PMFBP1: variants seen among roughly 807,000 people sequenced by gnomAD.
PMFBP1 encodes polyamine modulated factor 1 binding protein 1.
A neutral mutation model predicts 137.8 loss-of-function variants in PMFBP1; 131 were observed. The ratio of observed to expected loss-of-function variants is 0.95; its 90% CI spans 0.82 to 1.10. PMFBP1 has a LOEUF of 1.10. PMFBP1 is among the 50% of genes least tolerant of loss of function. The pLI is 0.00. For missense variants in PMFBP1, 1,199 were observed against 1,175.4 expected (o/e 1.02, Z -0.29); for synonymous variants, 490 against 450.4 (o/e 1.09, Z -1.11).
At chr16:72,189,064 T>G in the PMFBP1 span, among the ~76,000 whole-genome samples, 1 of 149,248 alleles carries the variant, frequency 6.7e-6, no homozygotes, top group Non-Finnish European at 1.5e-5. Flanking sequence ...AGTGTTGACT[T>G]TTTTTTTTTT....
intron 5 of PMFBP1, among the ~76,000 whole-genome samples, chr16:72,142,796 C>T (rs1055296974): frequency 1.1e-4 from 17 of 152,110 alleles, no homozygotes; most frequent in African/African-American, 3.9e-4. Context: ...GAAATAGATA[C>T]TTCCTATATA....
At chr16:72,196,881 C>G in the PMFBP1 span, among the ~76,000 whole-genome samples, 1 of 152,168 alleles carries the variant, frequency 6.6e-6, no homozygotes, top group Non-Finnish European at 1.5e-5. Flanking sequence ...TGAAAGATAG[C>G]CCTAATATTG....
At chr16:72,237,581 A>G in the PMFBP1 span, among the ~76,000 whole-genome samples, 1 of 151,976 alleles carries the variant, frequency 6.6e-6, no homozygotes, top group African/African-American at 2.4e-5. Flanking sequence ...TTGGCATTAA[A>G]TCTCTTACAA....
At position 72,130,563 on chromosome 16, in the gene PMFBP1, G is replaced by A. The variant is rs2042534819; in HGVS notation, c.1607C>T (p.Ser536Leu). 20 of 1,614,096 alleles carry A rather than the reference G, an allele frequency of 1.2e-5. No individual in the cohort carries two copies. The East Asian group carries it at 4.0e-4, about 32-fold the overall frequency. Residue 536 changes from serine to leucine, a missense_variant, in exon 11 of 21, where the codon TCG becomes TTG. Physicochemically the swap from Ser to Leu is moderately radical, Grantham distance 145. Coordinates refer to ENST00000237353, the MANE Select transcript of PMFBP1 (RefSeq NM_031293.3). ...RELQMLQKES[S>L]MAEKEQTSNR... ...GGAGGTTTGTTCCTTCTCAGCCATCGAGGACTCCTTCTGCAGCATCTGAAG... is the reference window on the plus strand; with the variant it reads ...GGAGGTTTGTTCCTTCTCAGCCATCAAGGACTCCTTCTGCAGCATCTGAAG...
rs527714736 is a variant in PMFBP1, at chr16:72,120,119, G to A, written c.2769-30C>T. 34 of 1,614,048 alleles carry A rather than the reference G, an allele frequency of 2.1e-5. No homozygotes were observed. In the African/African-American group the frequency reaches 2.9e-4, roughly 14 times the overall value. On this transcript the variant is annotated intron_variant, in intron 19 of 20. Transcript: ENST00000237353. ...GGGAAGGAGAGGAAGGACGGGTTGT[G>A]TTGGGGCTGCTGGCTCTGGTTGGTT...
Position 72,119,923 on chromosome 16 carries a change from A to G in PMFBP1, c.2935T>C (p.Trp979Arg), listed in dbSNP as rs1186645092. The G allele has an allele frequency of 6.2e-7, 1 of 1,614,182 alleles. No homozygotes were observed. The change falls in exon 20 of 21, where the codon TGG (tryptophan) becomes CGG (arginine). Residue 979 changes from tryptophan to arginine, a missense_variant. Transcript: ENST00000237353. ...QREKVCGTLG[W>R]KGLPQDMGQR... ...CCCATATCCTGGGGCAACCCCTTCC[A>G]GCCCAAGGTGCCGCACACTTTCTCC... is the stretch of plus-strand genomic sequence containing the variant.
At chr16:72,197,527 G>C in the PMFBP1 span, among the ~76,000 whole-genome samples, 1 of 152,170 alleles carries the variant, frequency 6.6e-6, no homozygotes, top group Non-Finnish European at 1.5e-5. Flanking sequence ...GAGGAGTACA[G>C]AGAAAGCCAC....
the PMFBP1 span, among the ~76,000 whole-genome samples, chr16:72,234,734 G>A: frequency 6.6e-6 from 1 of 152,242 alleles, no homozygotes; most frequent in East Asian, 1.9e-4. Flanking sequence ...ATGAAGTCAA[G>A]AACCTGAACT....
At chr16:72,165,568 G>A (rs553769162) in intron 2 of PMFBP1, among the ~76,000 whole-genome samples, 16 of 151,932 alleles carry the variant, frequency 1.1e-4, no homozygotes, top group South Asian at 2.1e-4. Context: ...ACAGGCACCC[G>A]CCACCATGCC....
chr16:72,239,209 C>G, the PMFBP1 span, among the ~76,000 whole-genome samples: 4 of 152,130 alleles, frequency 2.6e-5, no homozygotes, highest in African/African-American at 9.7e-5. Context: ...CATGTTTACC[C>G]CACCAGCCAC....
At chr16:72,185,530 C>G in the PMFBP1 span, among the ~76,000 whole-genome samples, 1 of 152,094 alleles carries the variant, frequency 6.6e-6, no homozygotes, top group East Asian at 1.9e-4. Context: ...CTCTACAAAG[C>G]CTTCTCTGAA....
At chr16:72,130,181 A>G (rs2042526650) in intron 12 of PMFBP1, 32 bp downstream of exon 12, 3 of 1,607,138 alleles carry the variant, frequency 1.9e-6, no homozygotes, top group Non-Finnish European at 2.5e-6. Flanking sequence ...CAGAGCAAGC[A>G]CTTGAATGGG....
chr16:72,173,186 G>A (rs2043236944), upstream of PMFBP1, among the ~76,000 whole-genome samples: 1 of 152,190 alleles, frequency 6.6e-6, no homozygotes, highest in South Asian at 2.1e-4. Flanking sequence ...ATGGCCTTTA[G>A]AAGTCTTTCC....
intron 9 of PMFBP1, among the ~76,000 whole-genome samples, chr16:72,133,532 A>T (rs1046802077): frequency 6.6e-6 from 1 of 152,134 alleles, no homozygotes; most frequent in Non-Finnish European, 1.5e-5. Flanking sequence ...TCTGTTGCTC[A>T]GGCTGGAGTG....
Position 72,136,549 on chromosome 16 carries a change from T to G in PMFBP1, c.1102A>C (p.Ile368Leu). 3 of 1,613,912 alleles carry G rather than the reference T, an allele frequency of 1.9e-6. No homozygotes were observed. In the Admixed American group the frequency reaches 5.0e-5, roughly 27 times the overall value. Residue 368 changes from isoleucine (I) to leucine (L), a missense_variant, in exon 9 of 21, where the codon ATT (isoleucine) becomes CTT (leucine). Ile to Leu is a conservative substitution (Grantham distance 5). Transcript: ENST00000237353. Reference protein sequence around the residue: ...HGLREETSAHIERKDKDITIL... With the variant: ...HGLREETSAHLERKDKDITIL... The stretch of plus-strand genomic sequence containing the variant: ...GTGATGTCCTTATCCTTCCTCTCAA[T>G]GTGGGCAGATGTCTCCTCCCGCAGT...
chr16:72,199,362 T>C, the PMFBP1 span, among the ~76,000 whole-genome samples: 1 of 152,084 alleles, frequency 6.6e-6, no homozygotes, highest in African/African-American at 2.4e-5. Flanking sequence ...AAAAGGAACA[T>C]TAAAAATGTG....
At chr16:72,147,336 A>C (rs2042824195) in intron 5 of PMFBP1, among the ~76,000 whole-genome samples, 1 of 152,270 alleles carries the variant, frequency 6.6e-6, no homozygotes, top group African/African-American at 2.4e-5. Flanking sequence ...GAAAGCTGAA[A>C]CTGGATCCCT....
At chr16:72,184,946 T>G in the PMFBP1 span, among the ~76,000 whole-genome samples, 5 of 152,208 alleles carry the variant, frequency 3.3e-5, no homozygotes. Flanking sequence ...GCCTAAAGCC[T>G]TTTAATAATT....
At chr16:72,134,344 A>G (rs1294995615) in intron 9 of PMFBP1, among the ~76,000 whole-genome samples, 1 of 152,120 alleles carries the variant, frequency 6.6e-6, no homozygotes, top group African/African-American at 2.4e-5. Context: ...CACCACACTC[A>G]GCTAGTTTAA....
Sources: gnomAD v4.1 joint callset for allele counts (sites outside exome capture counted in the v4.1 genomes callset) on GRCh38, gnomAD v4.1.1 for gene constraint, MANE v1.5 for transcripts, NCBI Gene and HGNC (gene_info 2026-07-23, HGNC 2026-07-21) for gene names.